The following MTUS2 variants were observed in gnomAD, a reference collection of about 807,000 sequenced individuals.
MTUS2 encodes the protein microtubule associated scaffold protein 2.
In MTUS2, 40 loss-of-function variants were observed where a neutral mutation model predicts 114.1. The ratio of observed to expected loss-of-function variants is 0.35; its 90% CI spans 0.27 to 0.46. MTUS2 has a LOEUF of 0.46. MTUS2 is among the 20% of genes least tolerant of loss of function. The pLI, the probability that MTUS2 is intolerant of heterozygous loss-of-function variation, is 1.00. For synonymous variants in MTUS2, 688 were observed against 672.0 expected, an observed-to-expected ratio of 1.02 and a Z score of -0.37; for missense variants, 1,679 against 1,705.4, an observed-to-expected ratio of 0.98 and a Z score of 0.27.
intron 8 of MTUS2, among the ~76,000 whole-genome samples, chr13:29,383,167 A>C (rs1017957657): frequency 1.3e-5 from 2 of 151,574 alleles, no homozygotes; most frequent in African/African-American, 4.9e-5. Context: ...GTTAAATGAC[A>C]TACAAGTCAT....
Position 29,063,230 on chromosome 13 carries a change from G to A in MTUS2, c.2446+29105G>A, listed in dbSNP as rs139192938. Among the ~76,000 whole-genome samples, 716 of 152,138 alleles carry A rather than the reference G, an allele frequency of 4.7e-3. 6 individuals are homozygous for A. The highest frequency in any genetic ancestry group is 0.016 in the African/African-American group (681 of 41,490). On this transcript the variant is annotated intron_variant, in intron 4 of 15. Transcript: ENST00000612955. The stretch of plus-strand genomic sequence containing the variant: ...TTTCTTCAGAAAAACCTCCTTAATG[G>A]CCTAACACATTGTATAAAAATTGTT...
chr13:29,319,397 T>C (rs1442580683), intron 6 of MTUS2, among the ~76,000 whole-genome samples: 2 of 152,126 alleles, frequency 1.3e-5, no homozygotes, highest in Non-Finnish European at 2.9e-5. Flanking sequence ...CTCTCTTGGC[T>C]CATCCTCAGA....
At chr13:28,872,190 T>A (rs886994922) in intron 2 of MTUS2, among the ~76,000 whole-genome samples, 8 of 152,128 alleles carry the variant, frequency 5.3e-5, no homozygotes, top group Non-Finnish European at 8.8e-5. Context: ...TGGACCTTGG[T>A]GCTGGTGGCT....
chr13:29,336,563 A>G (rs1000767093), intron 7 of MTUS2, among the ~76,000 whole-genome samples: 1 of 152,132 alleles, frequency 6.6e-6, no homozygotes, highest in South Asian at 2.1e-4. Context: ...GCTTTCCTGT[A>G]TGAGATGTTT....
At position 29,504,260 on chromosome 13, in the gene MTUS2, C is replaced by G. The variant is rs1157442884; in HGVS notation, c.*1054C>G. Reference sequence around the variant, plus strand: ...CCATGTGGTTCACTCTGATGCGATGCTGTAAATGATCAACTCTTTGAAATA... The same window carrying G: ...CCATGTGGTTCACTCTGATGCGATGGTGTAAATGATCAACTCTTTGAAATA... On this transcript the variant is annotated 3_prime_UTR_variant, in exon 16 of 16. Coordinates refer to ENST00000612955, the MANE Select transcript of MTUS2 (RefSeq NM_001033602.4). 1 of 232,340 alleles carries G rather than the reference C, an allele frequency of 4.3e-6. No individual in the cohort carries two copies. The highest frequency in any genetic ancestry group is 2.2e-5 in the African/African-American group (1 of 45,254). 14.4% of individuals were successfully genotyped at this position (232,340 alleles called of 1,614,324 possible).
chr13:28,851,595 G>A (rs774474907), intron 2 of MTUS2, among the ~76,000 whole-genome samples: 1 of 152,172 alleles, frequency 6.6e-6, no homozygotes. Flanking sequence ...GTATAGATCC[G>A]GTACTTCTGG....
chr13:29,385,333 G>T (rs368373615), intron 8 of MTUS2, among the ~76,000 whole-genome samples: 9 of 152,312 alleles, frequency 5.9e-5, no homozygotes, highest in Middle Eastern at 3.4e-3. Context: ...GCAGCACTGG[G>T]TGCTCGGTGT....
At chr13:28,893,260 C>A (rs1363094655) in intron 2 of MTUS2, among the ~76,000 whole-genome samples, 1 of 152,070 alleles carries the variant, frequency 6.6e-6, no homozygotes, top group Non-Finnish European at 1.5e-5. Flanking sequence ...ATTTATTAAG[C>A]CAGCTGGGAA....
At position 29,350,960 on chromosome 13, in the gene MTUS2, C is replaced by CATATATATATATAT. The variant is rs56192034; in HGVS notation, c.2906-8291_2906-8278dup. On this transcript the variant is annotated intron_variant, in intron 7 of 15. Transcript: ENST00000612955. ...TAGGAATTAGGGCATATATATATTT[C>CATATATATATATAT]ATATATATATATATATATATATATC... 1.1e-3 allele frequency among the ~76,000 whole-genome samples: 147 copies of CATATATATATATAT among 128,620 alleles called. 4 individuals are homozygous for CATATATATATATAT. Among genetic ancestry groups the CATATATATATATAT allele is most frequent in the Admixed American group, 4.2e-3 (55 of 13,144 alleles). 84.4% of individuals were successfully genotyped at this position (128,620 alleles called of 152,430 possible).
At chr13:29,238,344 C>G (rs1896612907) in intron 5 of MTUS2, among the ~76,000 whole-genome samples, 1 of 152,100 alleles carries the variant, frequency 6.6e-6, no homozygotes, top group South Asian at 2.1e-4. Flanking sequence ...TGACTCACAC[C>G]ATCACAAGGT....
intron 2 of MTUS2, among the ~76,000 whole-genome samples, chr13:29,011,886 A>G (rs1199582403): frequency 6.6e-6 from 1 of 152,168 alleles, no homozygotes; most frequent in Admixed American, 6.5e-5. Flanking sequence ...CTAGGGATCT[A>G]GTTCATTTGA....
intron 8 of MTUS2, among the ~76,000 whole-genome samples, chr13:29,385,527 A>C (rs186976248): frequency 6.6e-6 from 1 of 152,296 alleles, no homozygotes; most frequent in Non-Finnish European, 1.5e-5. Flanking sequence ...GGGGACAGGG[A>C]ATTCCTTTAG....
At chr13:29,142,851 C>T (rs1892282212) in intron 5 of MTUS2, among the ~76,000 whole-genome samples, 1 of 152,126 alleles carries the variant, frequency 6.6e-6, no homozygotes, top group Non-Finnish European at 1.5e-5. Context: ...CAAACATAAG[C>T]CAAGAGGGCA....
At chr13:29,254,850 C>G (rs942432329) in intron 5 of MTUS2, among the ~76,000 whole-genome samples, 1 of 152,236 alleles carries the variant, frequency 6.6e-6, no homozygotes, top group Non-Finnish European at 1.5e-5. Flanking sequence ...CAGAAATATA[C>G]AAGTGCCAGC....
At chr13:29,031,163 C>A (rs1886795763) in intron 3 of MTUS2, among the ~76,000 whole-genome samples, 1 of 151,164 alleles carries the variant, frequency 6.6e-6, no homozygotes, top group Non-Finnish European at 1.5e-5. Flanking sequence ...TGCTCTCCTT[C>A]CTCACTGTCT....
intron 1 of MTUS2, among the ~76,000 whole-genome samples, chr13:28,836,700 G>A (rs1238236028): frequency 6.6e-6 from 1 of 152,170 alleles, no homozygotes; most frequent in Non-Finnish European, 1.5e-5. Flanking sequence ...GGAGGCAGGA[G>A]CAAGGGCAGG....
intron 6 of MTUS2, among the ~76,000 whole-genome samples, chr13:29,293,329 G>T (rs1039997942): frequency 1.3e-5 from 2 of 152,104 alleles, no homozygotes; most frequent in African/African-American, 4.8e-5. Context: ...GTGGTCAATG[G>T]CTATAAACAT....
intron 8 of MTUS2, among the ~76,000 whole-genome samples, chr13:29,389,341 G>A (rs8002419): frequency 0.83 from 66,125 of 79,552 alleles, 28,376 homozygotes; most frequent in South Asian, 0.89. Context: ...ATATATGTAT[G>A]CACGTGTGTG....
chr13:29,000,705 C>T (rs1034182984), intron 2 of MTUS2, among the ~76,000 whole-genome samples: 4 of 152,196 alleles, frequency 2.6e-5, no homozygotes, highest in Non-Finnish European at 4.4e-5. Flanking sequence ...ATATCAGGTC[C>T]ATTCACTTAA....
Sources: gnomAD v4.1 joint callset for allele counts (sites outside exome capture counted in the v4.1 genomes callset) on GRCh38, gnomAD v4.1.1 for gene constraint, MANE v1.5 for transcripts, NCBI Gene and HGNC (gene_info 2026-07-23, HGNC 2026-07-21) for gene names.